Variants in SBK3 observed in about 807,000 individuals in gnomAD.
SBK3 encodes SH3 domain binding kinase family member 3, also known as uncharacterized serine/threonine-protein kinase SBK3.
A neutral mutation model predicts 12.7 loss-of-function variants in SBK3; 16 were observed. The observed-to-expected ratio is 1.26, with a 90% confidence interval of 0.86 to 1.92. The LOEUF (loss-of-function observed/expected upper bound fraction) is 1.92. SBK3 is among the 40% of genes most tolerant of loss of function. The probability of loss-of-function intolerance (pLI) is 0.00; values close to 1 mark genes in which losing one functional copy is unlikely to be tolerated. For synonymous variants in SBK3, 217 were observed against 213.6 expected (o/e 1.02, Z -0.14); for missense variants, 462 against 481.8 (o/e 0.96, Z 0.38).
chr19:55,544,846 C>T lies in SBK3; in HGVS notation c.149G>A (p.Gly50Asp), dbSNP rs540887246. The T allele has an allele frequency of 3.3e-6, 5 of 1,532,096 alleles. No homozygotes were observed. Among genetic ancestry groups the T allele is most frequent in the Admixed American group, 3.9e-5 (2 of 50,784 alleles). 94.9% of individuals were successfully genotyped at this position (1,532,096 alleles called of 1,614,324 possible). ...RDQYHLIRKL[G>D]SGSYGRVLLA... The stretch of plus-strand genomic sequence containing the variant: ...GAGCACGCGGCCGTAGGAGCCGGAG[C>T]CCAGCTTCCGGATGAGGTGGTACTG... Residue 50 changes from glycine to aspartate, a missense_variant, in exon 2 of 4, where the codon GGC becomes GAC. Coordinates refer to ENST00000612221, the MANE Select transcript of SBK3 (RefSeq NM_001199824.2).
chr19:55,541,401 G>C lies in SBK3; in HGVS notation c.525C>G (p.Val175=). The C allele has an allele frequency of 6.5e-7, 1 of 1,535,864 alleles. No individual in the cohort carries two copies. The highest frequency in any genetic ancestry group is 8.7e-7 in the Non-Finnish European group (1 of 1,146,854). Residue 175 remains valine, a synonymous_variant, in exon 4 of 4, where the codon GTC becomes GTG. Coordinates refer to ENST00000612221, the MANE Select transcript of SBK3 (RefSeq NM_001199824.2). This position sits in a 1 kb window ranked among gnomAD's most constrained non-coding sequence, Gnocchi z 5.3. ...GGTCTCCCAGGGCCACACGGCTGCAGACCGGGTCGAAGACCAGCACGTTGT... is the reference window on the plus strand; with the variant it reads ...GGTCTCCCAGGGCCACACGGCTGCACACCGGGTCGAAGACCAGCACGTTGT... ...KPDNVLVFDP[V]CSRVALGDLG...
chr19:55,545,513 C>A lies in SBK3; in HGVS notation c.31G>T (p.Asp11Tyr). Residue 11 changes from aspartate to tyrosine, a missense_variant, in exon 1 of 4, where the codon GAT (aspartate) becomes TAT (tyrosine). Asp to Tyr is a radical substitution (Grantham distance 160). Transcript: ENST00000612221. The surrounding 1 kb of genome is among the most constrained non-coding windows in gnomAD (Gnocchi z 4.4). ...CCGTCTCTCACCTCTGGGTCCCCAT[C>A]CTCAGGGGTCTCGGAGGCCCTGCGC... is the stretch of plus-strand genomic sequence containing the variant. Reference protein sequence around the residue: MERRASETPEDGDPEEDTATA... With the variant: MERRASETPEYGDPEEDTATA... 4 of 1,534,906 alleles carry A rather than the reference C, an allele frequency of 2.6e-6. No individual in the cohort carries two copies. Among genetic ancestry groups the A allele is most frequent in the Non-Finnish European group, 3.5e-6 (4 of 1,146,212 alleles).
chr19:55,544,900 C>T lies in SBK3; in HGVS notation c.95G>A (p.Arg32Lys), dbSNP rs1353181279. The T allele has an allele frequency of 6.5e-7, 1 of 1,534,446 alleles. No homozygotes were observed. Among genetic ancestry groups the T allele is most frequent in the Non-Finnish European group, 8.7e-7 (1 of 1,146,418 alleles). ...CCGAAGGCTCCTCACCGGGGTCACC[C>T]TGCTGGTCGTCAGCTCCACCAGCCG... is the stretch of plus-strand genomic sequence containing the variant. ...LQRLVELTTSRVTPVRSLRDQ... is the reference protein window; with the variant it reads ...LQRLVELTTSKVTPVRSLRDQ... The change falls in exon 2 of 4, where the codon AGG becomes AAG. Residue 32 changes from arginine to lysine, a missense_variant. Physicochemically the swap from Arg to Lys is conservative, Grantham distance 26. Transcript: ENST00000612221.
In SBK3 at chr19:55,545,029, C is replaced by G; in HGVS notation, c.46-80G>C. 3 of 1,134,308 alleles carry G rather than the reference C, an allele frequency of 2.6e-6. No individual in the cohort carries two copies. Among genetic ancestry groups the G allele is most frequent in the Non-Finnish European group, 3.7e-6 (3 of 814,180 alleles). 70.3% of individuals were successfully genotyped at this position (1,134,308 alleles called of 1,614,324 possible). On this transcript the variant is annotated intron_variant, in intron 1 of 3. Coordinates refer to ENST00000612221, the MANE Select transcript of SBK3 (RefSeq NM_001199824.2). The surrounding 1 kb of genome is among the most constrained non-coding windows in gnomAD (Gnocchi z 4.4). ...GTGGGGGAGGAGGTCACGGCGCAGC[C>G]CCAGGATGGAGGGTGGGGCAGGGGA...
rs1988634988 is a variant in SBK3, at chr19:55,544,779, C to A, written c.196+20G>T. 1.4e-6 allele frequency: 2 copies of A among 1,476,142 alleles called. No individual in the cohort carries two copies. Among genetic ancestry groups the A allele is most frequent in the African/African-American group, 2.8e-5 (2 of 71,006 alleles). 91.4% of individuals were successfully genotyped at this position (1,476,142 alleles called of 1,614,324 possible). A position where few individuals can be genotyped will look rare whatever the true frequency, so the allele number is the denominator to read the frequency against. On this transcript the variant is annotated intron_variant, in intron 2 of 3. Transcript: ENST00000612221. The stretch of plus-strand genomic sequence containing the variant: ...ATTGTGGGGCAGTTGGGGAGGCTGC[C>A]CTTGGGTGGCTGAACTCACCCCCCT...
chr19:55,544,934 C>T lies in SBK3; in HGVS notation c.61G>A (p.Ala21Thr), dbSNP rs1002015009. The T allele has an allele frequency of 1.3e-6, 2 of 1,532,668 alleles. No individual in the cohort carries two copies. The highest frequency in any genetic ancestry group is 1.7e-6 in the Non-Finnish European group (2 of 1,145,654). 94.9% of individuals were successfully genotyped at this position (1,532,668 alleles called of 1,614,324 possible). The change falls in exon 2 of 4, where the codon GCC becomes ACC. Residue 21 changes from alanine (A) to threonine (T), a missense_variant. Coordinates refer to ENST00000612221, the MANE Select transcript of SBK3 (RefSeq NM_001199824.2). ...DGDPEEDTAT[A>T]LQRLVELTTS... is the part of the protein sequence containing the mutation. ...GTCAGCTCCACCAGCCGTTGGAGGG[C>T]TGTGGCTGTGTCCTCCTACGGGAGA...
Position 55,541,928 on chromosome 19 carries a change from C to G in SBK3, c.400-402G>C, listed in dbSNP as rs1056817069. Among the ~76,000 whole-genome samples, 1 of 152,214 alleles carries G rather than the reference C, an allele frequency of 6.6e-6. No individual in the cohort carries two copies. The highest frequency in any genetic ancestry group is 1.5e-5 in the Non-Finnish European group (1 of 68,034). On this transcript the variant is annotated intron_variant, in intron 3 of 3. Coordinates refer to ENST00000612221, the MANE Select transcript of SBK3 (RefSeq NM_001199824.2). This position sits in a 1 kb window ranked among gnomAD's most constrained non-coding sequence, Gnocchi z 5.3. The stretch of plus-strand genomic sequence containing the variant: ...CCCCAGTTATAACCAGTAGCTCCTT[C>G]TTTTAGCTTCTTTCAAAGATTCTCC...
At position 55,541,079 on chromosome 19, in the gene SBK3, G is replaced by A. The variant is rs1246924988; in HGVS notation, c.847C>T (p.Leu283Phe). The change falls in exon 4 of 4, where the codon CTC (leucine) becomes TTC (phenylalanine). Residue 283 changes from leucine (L) to phenylalanine (F), a missense_variant. Coordinates refer to ENST00000612221, the MANE Select transcript of SBK3 (RefSeq NM_001199824.2). The surrounding 1 kb of genome is among the most constrained non-coding windows in gnomAD (Gnocchi z 5.3). The part of the protein sequence containing the change: ...DQFAPPALAL[L>F]QGLLDLDPET... ...GGATCCAGGTCCAGAAGCCCCTGGAGCAAGGCCAGGGCTGGGGGCGCAAAC... is the reference window on the plus strand; with the variant it reads ...GGATCCAGGTCCAGAAGCCCCTGGAACAAGGCCAGGGCTGGGGGCGCAAAC... 7.8e-6 allele frequency: 12 copies of A among 1,536,016 alleles called. No individual in the cohort carries two copies. The East Asian group carries it at 2.9e-4, about 38-fold the overall frequency.
rs773414345 is a variant in SBK3, at chr19:55,541,487, A to G, written c.439T>C (p.Leu147=). ...TGGAGGAAGTCCAGAGCTCCTGCCA[A>G]CTGGGCCACCACCCGCTTCACCAGC... ...ELLVKRVVAQ[L]AGALDFLHSR... is the part of the protein sequence containing the mutation. Residue 147 remains leucine, a synonymous_variant, in exon 4 of 4, where the codon TTG becomes CTG. Coordinates refer to ENST00000612221, the MANE Select transcript of SBK3 (RefSeq NM_001199824.2). This position sits in a 1 kb window ranked among gnomAD's most constrained non-coding sequence, Gnocchi z 5.3. 3.9e-6 allele frequency: 6 copies of G among 1,527,176 alleles called. 1 individual carries two copies. The highest frequency in any genetic ancestry group is 4.0e-5 in the Admixed American group (2 of 50,622). The allele number at this position is 1,527,176 out of a possible 1,614,324, so 94.6% of individuals were successfully genotyped here.
At position 55,543,471 on chromosome 19, in the gene SBK3, G is replaced by A. The variant is rs901055004; in HGVS notation, c.399+629C>T. Among the ~76,000 whole-genome samples, 7 of 151,012 alleles carry A rather than the reference G, an allele frequency of 4.6e-5. No homozygotes were observed. The East Asian group carries it at 1.4e-3, about 29-fold the overall frequency. ...CTCAATGAGACTCATTTCTCCACATGTACCTTCCTCATCCCCTTCCTTCTT... is the reference window on the plus strand; with the variant it reads ...CTCAATGAGACTCATTTCTCCACATATACCTTCCTCATCCCCTTCCTTCTT... On this transcript the variant is annotated intron_variant, in intron 3 of 3. Coordinates refer to ENST00000612221, the MANE Select transcript of SBK3 (RefSeq NM_001199824.2).
Position 55,545,443 on chromosome 19 carries a change from G to A in SBK3, c.45+56C>T. Reference sequence around the variant, plus strand: ...CCTCTCTCTCCCCGTGTTGCCTCCTGCCTCTCTCTCCTTCTTTTCTCTCTC... The same window carrying A: ...CCTCTCTCTCCCCGTGTTGCCTCCTACCTCTCTCTCCTTCTTTTCTCTCTC... On this transcript the variant is annotated intron_variant, in intron 1 of 3. Transcript: ENST00000612221. This position sits in a 1 kb window ranked among gnomAD's most constrained non-coding sequence, Gnocchi z 4.4. 1 of 1,381,562 alleles carries A rather than the reference G, an allele frequency of 7.2e-7. No individual in the cohort carries two copies. Among genetic ancestry groups the A allele is most frequent in the Non-Finnish European group, 9.9e-7 (1 of 1,010,308 alleles). 85.6% of individuals were successfully genotyped at this position (1,381,562 alleles called of 1,614,324 possible).
rs1568495821 is a variant in SBK3 at position 55,541,313 on chromosome 19, G to C, written c.613C>G (p.Pro205Ala). Reference protein sequence around the residue: ...PAPPVPLPTAPPELCLLLPPD... With the variant: ...PAPPVPLPTAAPELCLLLPPD... ...GGTAGCAGGAGACAGAGCTCAGGCG[G>C]TGCCGTGGGCAGAGGCACTGGTGGG... Residue 205 changes from proline (P) to alanine (A), a missense_variant, in exon 4 of 4, where the codon CCG becomes GCG. Coordinates refer to ENST00000612221, the MANE Select transcript of SBK3 (RefSeq NM_001199824.2). This position sits in a 1 kb window ranked among gnomAD's most constrained non-coding sequence, Gnocchi z 5.3. The C allele has an allele frequency of 6.5e-7, 1 of 1,535,440 alleles. No individual in the cohort carries two copies. Among genetic ancestry groups the C allele is most frequent in the East Asian group, 2.4e-5 (1 of 40,916 alleles).
chr19:55,544,944 GTCC>G lies in SBK3; in HGVS notation c.48_50del (p.Glu16del). 1 of 1,531,012 alleles carries G rather than the reference GTCC, an allele frequency of 6.5e-7. No individual in the cohort carries two copies. The highest frequency in any genetic ancestry group is 8.7e-7 in the Non-Finnish European group (1 of 1,144,872). 94.8% of individuals were successfully genotyped at this position (1,531,012 alleles called of 1,614,324 possible). ...CCAGCCGTTGGAGGGCTGTGGCTGT[GTCC>G]TCCTACGGGAGAGGGGCAGGGTGAG... is the stretch of plus-strand genomic sequence containing the variant. On this transcript the variant is annotated inframe_deletion and splice_region_variant, in exon 2 of 4. Transcript: ENST00000612221.
At chr19:55,543,166 C>T (rs1412833494) in intron 3 of SBK3, among the ~76,000 whole-genome samples, 2 of 144,106 alleles carry the variant, frequency 1.4e-5, no homozygotes, top group South Asian at 2.3e-4. Flanking sequence ...TCCACCCATC[C>T]ACCCACCCAT....
intron 2 of SBK3, 51 bp from the exon 3 acceptor site, chr19:55,544,353 TG>T: frequency 7.1e-7 from 1 of 1,412,012 alleles, no homozygotes; most frequent in South Asian, 1.3e-5. Context: ...AGTCCTGCTG[TG>T]GGGCCTGAGG....
intron 3 of SBK3, among the ~76,000 whole-genome samples, chr19:55,542,353 A>G (rs968789883): frequency 6.6e-6 from 1 of 151,804 alleles, no homozygotes; most frequent in Non-Finnish European, 1.5e-5. Context: ...TTAATCATCC[A>G]TCCACCAATC....
chr19:55,542,967 TCCATCCATCCACCCAC>T (rs1988593543), intron 3 of SBK3, among the ~76,000 whole-genome samples: 1 of 63,828 alleles, frequency 1.6e-5, no homozygotes. Context: ...CATCCACCCA[TCCATCCATCCACCCAC>T]GGATCCTTCC....
chr19:55,542,565 A>G (rs576662262), intron 3 of SBK3, among the ~76,000 whole-genome samples: 2 of 144,550 alleles, frequency 1.4e-5, no homozygotes, highest in Non-Finnish European at 1.5e-5. Flanking sequence ...CCATCCATCC[A>G]TCCACCAATC....
chr19:55,540,802 AG>A lies in SBK3; in HGVS notation c.*43del. On this transcript the variant is annotated 3_prime_UTR_variant, in exon 4 of 4. Coordinates refer to ENST00000612221, the MANE Select transcript of SBK3 (RefSeq NM_001199824.2). ...CCAGGTGGCCCTGGGGGCTGGGGGA[AG>A]GGCCTCTGGCCCAGGCTCTGGCCAC... The A allele has an allele frequency of 6.7e-7, 1 of 1,499,266 alleles. No homozygotes were observed. The allele number at this position is 1,499,266 out of a possible 1,614,324, so 92.9% of individuals were successfully genotyped here.
Sources: allele counts gnomAD v4.1 joint callset (sites outside exome capture counted in the v4.1 genomes callset), GRCh38; gene constraint gnomAD v4.1.1; non-coding constraint Gnocchi (gnomAD v3.1); transcripts MANE v1.5; gene names NCBI Gene and HGNC (gene_info 2026-07-23, HGNC 2026-07-21).